PHLDB1: variants seen among roughly 807,000 people sequenced by gnomAD.
PHLDB1 encodes pleckstrin homology like domain family B member 1.
Under a neutral mutation model 139.3 loss-of-function variants are expected in PHLDB1, and 65 were observed. That is an observed-to-expected ratio of 0.47 (90% CI 0.38 to 0.57). The LOEUF is 0.57. Ranked by LOEUF, PHLDB1 falls within the 20% of genes least tolerant of loss-of-function variation. The probability of loss-of-function intolerance (pLI) is 0.00; values close to 1 mark genes in which losing one functional copy is unlikely to be tolerated. For synonymous variants in PHLDB1, 679 were observed against 734.5 expected, an observed-to-expected ratio of 0.92 and a Z score of 1.22; for missense variants, 1,624 against 1,839.7, an observed-to-expected ratio of 0.88 and a Z score of 2.14.
rs1405267627 is a variant in PHLDB1, at chr11:118,620,978, A to T, written c.356-3956A>T. ...GAATGTCAGAGTTGACTTTCTGTAG[A>T]TAAGGAAGCCGAGGCCAGAGGGTGT... is the stretch of plus-strand genomic sequence containing the variant. On this transcript the variant is annotated intron_variant, in intron 4 of 22. Transcript: ENST00000600882. This position sits in a 1 kb window ranked among gnomAD's most constrained non-coding sequence, Gnocchi z 4.1. Among the ~76,000 whole-genome samples the T allele has an allele frequency of 1.3e-5, 2 of 152,076 alleles. No homozygotes were observed. The highest frequency in any genetic ancestry group is 4.8e-5 in the African/African-American group (2 of 41,394).
chr11:118,641,613 G>C (rs1946526541), intron 12 of PHLDB1: 3 of 1,278,538 alleles, frequency 2.3e-6, no homozygotes, highest in South Asian at 2.5e-5. Flanking sequence ...CTTGCTCCAA[G>C]TACGTGATGC....
intron 12 of PHLDB1, 111 bp from the exon 13 acceptor site, chr11:118,642,143 C>T (rs1249704848): frequency 9.7e-6 from 10 of 1,031,038 alleles, no homozygotes; most frequent in Admixed American, 1.8e-5. Context: ...CCTTCTTCCT[C>T]TTCTTTCTTC....
chr11:118,657,081 C>T lies in PHLDB1; in HGVS notation c.*258C>T. On this transcript the variant is annotated 3_prime_UTR_variant, in exon 23 of 23. Coordinates refer to ENST00000600882, the MANE Select transcript of PHLDB1 (RefSeq NM_001144758.3). ...TCAGCTCTGACCTGACACCTGCTCT[C>T]CCCAGCCTGTTTTCTCTTTTCTAAA... 5.6e-6 allele frequency: 2 copies of T among 358,328 alleles called. No homozygotes were observed. Among genetic ancestry groups the T allele is most frequent in the Non-Finnish European group, 1.0e-5 (2 of 198,014 alleles). 22.2% of individuals were successfully genotyped at this position (358,328 alleles called of 1,614,324 possible).
At chr11:118,654,010 T>G (rs1168371374) in intron 20 of PHLDB1, 1 of 152,180 alleles carries the variant, frequency 6.6e-6, no homozygotes, top group Non-Finnish European at 1.5e-5. Flanking sequence ...CAGGGGAAGG[T>G]TATGATACAA....
intron 10 of PHLDB1, chr11:118,636,472 AGACT>A (rs1555115780): frequency 6.6e-6 from 1 of 152,182 alleles, no homozygotes; most frequent in Non-Finnish European, 1.5e-5. Context: ...TCTGGATGTA[AGACT>A]GACTGATGAA....
chr11:118,611,563 A>G lies in PHLDB1; in HGVS notation c.-21-2253A>G, dbSNP rs1940313008. On this transcript the variant is annotated intron_variant, in intron 1 of 22. Transcript: ENST00000600882. This position sits in a 1 kb window ranked among gnomAD's most constrained non-coding sequence, Gnocchi z 4.7. ...CTTGCTCCAGGTCACACAGCTCATA[A>G]TAATAAACGGGGCCAGGCGCGGTGG... 6.6e-6 allele frequency among the ~76,000 whole-genome samples: 1 copy of G among 152,136 alleles called. No individual in the cohort carries two copies. Among genetic ancestry groups the G allele is most frequent in the South Asian group, 2.1e-4 (1 of 4,832 alleles).
chr11:118,625,898 C>G (rs1268315558), intron 5 of PHLDB1, among the ~76,000 whole-genome samples: 1 of 152,174 alleles, frequency 6.6e-6, no homozygotes, highest in Non-Finnish European at 1.5e-5. Flanking sequence ...TTTTCCCTAC[C>G]CTCGATCTTT....
intron 20 of PHLDB1, 36 bp from the exon 21 acceptor site, chr11:118,655,569 G>T: frequency 7.3e-7 from 1 of 1,364,806 alleles, no homozygotes; most frequent in South Asian, 1.2e-5. Context: ...CCTGAAGTGT[G>T]ACCGGCTCCA....
chr11:118,608,775 C>T lies in PHLDB1; in HGVS notation c.-22+1076C>T, dbSNP rs186763701. 5.3e-5 allele frequency among the ~76,000 whole-genome samples: 8 copies of T among 152,192 alleles called. 1 individual carries two copies. The highest frequency in any genetic ancestry group is 1.2e-4 in the Non-Finnish European group (8 of 68,022). ...CCAGACACACCCGGACCCGCCCACACGCCGAGGCCTTCCCACGCACTCCAT... is the reference window on the plus strand; with the variant it reads ...CCAGACACACCCGGACCCGCCCACATGCCGAGGCCTTCCCACGCACTCCAT... On this transcript the variant is annotated intron_variant, in intron 1 of 22. Coordinates refer to ENST00000600882, the MANE Select transcript of PHLDB1 (RefSeq NM_001144758.3). The surrounding 1 kb of genome is among the most constrained non-coding windows in gnomAD (Gnocchi z 6.7).
intron 1 of PHLDB1, 71 bp from the exon 2 acceptor site, chr11:118,613,745 G>A: frequency 6.6e-6 from 6 of 910,566 alleles, no homozygotes; most frequent in Non-Finnish European, 1.1e-5. Context: ...TGAGAACCCT[G>A]CCACAGAACC....
At position 118,641,848 on chromosome 11, in the gene PHLDB1, T is replaced by C. The variant is rs533928294; in HGVS notation, c.2737-406T>C. 4 of 1,216,676 alleles carry C rather than the reference T, an allele frequency of 3.3e-6. No individual in the cohort carries two copies. In the East Asian group the frequency reaches 2.2e-4, roughly 67 times the overall value. The allele number at this position is 1,216,676 out of a possible 1,614,324, so 75.4% of individuals were successfully genotyped here. On this transcript the variant is annotated intron_variant, in intron 12 of 22. Transcript: ENST00000600882. ...CTGGTGTGCTCTGTGTGTGTTTTGC[T>C]CCTGCTCACCTGGCCTCTTGGCTCT...
chr11:118,621,004 G>A (rs190292467), intron 4 of PHLDB1, among the ~76,000 whole-genome samples: 24 of 152,262 alleles, frequency 1.6e-4, no homozygotes, highest in Admixed American at 5.2e-4. Flanking sequence ...CAGAGGGTGT[G>A]ACTGGCCCAA....
chr11:118,624,688 G>A (rs1362398191), intron 4 of PHLDB1: 6 of 320,616 alleles, frequency 1.9e-5, no homozygotes, highest in South Asian at 9.2e-5. Flanking sequence ...TGCAACCTCC[G>A]CTTCCTGGGT....
At chr11:118,640,152 GCATGC>G (rs1946283306) in intron 12 of PHLDB1, 1 of 201,172 alleles carries the variant, frequency 5.0e-6, no homozygotes, top group Non-Finnish European at 8.9e-6. Context: ...GTGTGTGCGA[GCATGC>G]CATGCCGCCA....
Position 118,623,567 on chromosome 11 carries a change from G to A in PHLDB1, c.356-1367G>A, listed in dbSNP as rs575733991. Among the ~76,000 whole-genome samples, 11 of 152,368 alleles carry A rather than the reference G, an allele frequency of 7.2e-5. No homozygotes were observed. In the South Asian group the frequency reaches 2.1e-3, roughly 29 times the overall value. On this transcript the variant is annotated intron_variant, in intron 4 of 22. Coordinates refer to ENST00000600882, the MANE Select transcript of PHLDB1 (RefSeq NM_001144758.3). ...GGCCTAGTCTTGGCCTGATGCCAGG[G>A]GAGACCAGGGAGCATGCAGAGGGTG...
rs782508862 is a variant in PHLDB1, at chr11:118,616,199, C to T, written c.343C>T (p.Arg115Trp). 1.6e-5 allele frequency: 26 copies of T among 1,613,742 alleles called. No individual in the cohort carries two copies. Among genetic ancestry groups the T allele is most frequent in the East Asian group, 4.5e-5 (2 of 44,896 alleles). Reference sequence around the variant, plus strand: ...TGGGCTCCCTGTCCGGCAGCCTACCCGGCTCACTCAGGGTAAGGCTGGACA... The same window carrying T: ...TGGGCTCCCTGTCCGGCAGCCTACCTGGCTCACTCAGGGTAAGGCTGGACA... ...IDGLPVRQPT[R>W]LTQGCMLCLG... Residue 115 changes from arginine to tryptophan, a missense_variant, in exon 4 of 23, where the codon CGG becomes TGG. Transcript: ENST00000600882.
intron 1 of PHLDB1, among the ~76,000 whole-genome samples, chr11:118,609,703 A>G (rs1166227102): frequency 1.3e-5 from 2 of 152,084 alleles, no homozygotes; most frequent in Non-Finnish European, 2.9e-5. Flanking sequence ...CTGCCCCGCC[A>G]AAGAAAGGCC....
At chr11:118,609,367 C>T (rs1555081771) in intron 1 of PHLDB1, among the ~76,000 whole-genome samples, 1 of 145,754 alleles carries the variant, frequency 6.9e-6, no homozygotes, top group Admixed American at 6.8e-5. Context: ...CAGCCTATCA[C>T]ACACACAGCT....
intron 1 of PHLDB1, among the ~76,000 whole-genome samples, chr11:118,609,924 C>A (rs887010072): frequency 6.6e-6 from 1 of 152,100 alleles, no homozygotes; most frequent in Non-Finnish European, 1.5e-5. Context: ...CGCGCTCTCC[C>A]GGCTCCCCCT....
Sources: allele counts gnomAD v4.1 joint callset (sites outside exome capture counted in the v4.1 genomes callset), GRCh38; gene constraint gnomAD v4.1.1; non-coding constraint Gnocchi (gnomAD v3.1); transcripts MANE v1.5; gene names NCBI Gene and HGNC (gene_info 2026-07-23, HGNC 2026-07-21).